The following BCL2L1 variants were observed in gnomAD, a reference collection of about 807,000 sequenced individuals.
The protein encoded by BCL2L1 is bcl-2-like protein 1.
BCL2L1 carries 1 observed loss-of-function variant against 18.7 expected under a neutral mutation model. That is an observed-to-expected ratio of 0.05 (90% CI 0.02 to 0.25). The LOEUF is 0.25. Among genes scored for constraint, BCL2L1 ranks in the 10% least tolerant of loss-of-function variants. The probability of loss-of-function intolerance (pLI) is 1.00; values close to 1 mark genes in which losing one functional copy is unlikely to be tolerated. For missense variants in BCL2L1, 207 were observed against 304.9 expected (o/e 0.68, Z 2.39); for synonymous variants, 103 against 122.7 (o/e 0.84, Z 1.06).
chr20:31,681,889 G>A (rs1400356793), intron 2 of BCL2L1, among the ~76,000 whole-genome samples: 1 of 151,996 alleles, frequency 6.6e-6, no homozygotes, highest in African/African-American at 2.4e-5. Context: ...AAGTGTGGAT[G>A]GCAATAAGAT....
chr20:31,676,758 G>A (rs1428996088), intron 2 of BCL2L1, among the ~76,000 whole-genome samples: 1 of 152,074 alleles, frequency 6.6e-6, no homozygotes, highest in East Asian at 1.9e-4. Context: ...TCCCACAGTG[G>A]GTCTGTTTCA....
At chr20:31,704,677 C>A (rs756476194) in intron 2 of BCL2L1, among the ~76,000 whole-genome samples, 83 of 152,268 alleles carry the variant, frequency 5.5e-4, no homozygotes, top group Middle Eastern at 3.4e-3. Context: ...CATCCTCAAA[C>A]CACCTGTATT....
At chr20:31,702,086 C>G (rs535512140) in intron 2 of BCL2L1, among the ~76,000 whole-genome samples, 68 of 152,284 alleles carry the variant, frequency 4.5e-4, no homozygotes, top group African/African-American at 1.5e-3. Flanking sequence ...CTACTTTAAA[C>G]TGAAGGTCAA....
At chr20:31,721,139 G>A (rs751023339) in intron 2 of BCL2L1, among the ~76,000 whole-genome samples, 20 of 152,364 alleles carry the variant, frequency 1.3e-4, no homozygotes, top group South Asian at 6.2e-4. Context: ...AGTCTGAGAG[G>A]AGAGTGCCAT....
At chr20:31,708,658 C>T (rs912859749) in intron 2 of BCL2L1, among the ~76,000 whole-genome samples, 1 of 152,172 alleles carries the variant, frequency 6.6e-6, no homozygotes, top group Non-Finnish European at 1.5e-5. Flanking sequence ...CAATGCCCCG[C>T]CCTGCCTTCC....
At chr20:31,671,601 G>C (rs1043174966) in intron 2 of BCL2L1, among the ~76,000 whole-genome samples, 4 of 152,066 alleles carry the variant, frequency 2.6e-5, no homozygotes. Flanking sequence ...GTTTATACCA[G>C]GGGTATGCAC....
chr20:31,694,705 A>G (rs1482659122), intron 2 of BCL2L1, among the ~76,000 whole-genome samples: 1 of 152,184 alleles, frequency 6.6e-6, no homozygotes, highest in Non-Finnish European at 1.5e-5. Context: ...TAGTTTTCAC[A>G]GCACCCAACT....
At chr20:31,691,838 A>T (rs1052769170) in intron 2 of BCL2L1, among the ~76,000 whole-genome samples, 1 of 152,246 alleles carries the variant, frequency 6.6e-6, no homozygotes, top group Admixed American at 6.5e-5. Flanking sequence ...AATGCAAATT[A>T]AAACCGCAAG....
At chr20:31,694,233 G>A (rs1046105937) in intron 2 of BCL2L1, among the ~76,000 whole-genome samples, 3 of 152,116 alleles carry the variant, frequency 2.0e-5, no homozygotes, top group African/African-American at 7.2e-5. Context: ...CAGTCAGATG[G>A]GTGGTGGGCT....
chr20:31,701,686 A>G (rs935809972), intron 2 of BCL2L1, among the ~76,000 whole-genome samples: 7 of 152,250 alleles, frequency 4.6e-5, no homozygotes, highest in Admixed American at 2.0e-4. Flanking sequence ...CATTATAACA[A>G]TTAAGAATAA....
intron 2 of BCL2L1, among the ~76,000 whole-genome samples, chr20:31,702,205 C>T (rs1024783905): frequency 6.6e-6 from 1 of 152,180 alleles, no homozygotes; most frequent in African/African-American, 2.4e-5. Flanking sequence ...ACTACAAAGG[C>T]CCTTGGGCAG....
chr20:31,673,077 T>C (rs1369378636), intron 2 of BCL2L1, among the ~76,000 whole-genome samples: 1 of 149,356 alleles, frequency 6.7e-6, no homozygotes, highest in Non-Finnish European at 1.5e-5. Context: ...GCTTTTTTTT[T>C]TTTTTTTTTT....
chr20:31,723,639 C>T (rs536657789), upstream of BCL2L1: 1 of 985,578 alleles, frequency 1.0e-6, no homozygotes, highest in African/African-American at 1.7e-5. Flanking sequence ...CGCCCCAGCG[C>T]AGCCAATCAG....
Position 31,665,828 on chromosome 20 carries a change from G to A in BCL2L1, c.*121C>T, listed in dbSNP as rs992719994. Reference sequence around the variant, plus strand: ...AGGGACCAGATCTGGGCCCAACCCTGTGATGGGCAGGTGGGCATGGGCTGC... The same window carrying A: ...AGGGACCAGATCTGGGCCCAACCCTATGATGGGCAGGTGGGCATGGGCTGC... On this transcript the variant is annotated 3_prime_UTR_variant, in exon 3 of 3. Coordinates refer to ENST00000307677, the MANE Select transcript of BCL2L1 (RefSeq NM_138578.3). 2.9e-6 allele frequency: 4 copies of A among 1,358,234 alleles called. No individual in the cohort carries two copies. The African/African-American group carries it at 4.3e-5, about 15-fold the overall frequency. 84.1% of individuals were successfully genotyped at this position (1,358,234 alleles called of 1,614,324 possible).
intron 2 of BCL2L1, among the ~76,000 whole-genome samples, chr20:31,682,593 G>C (rs2060882607): frequency 6.6e-6 from 1 of 152,052 alleles, no homozygotes; most frequent in Non-Finnish European, 1.5e-5. Context: ...CTACAGGTGT[G>C]CATCACCATG....
intron 2 of BCL2L1, among the ~76,000 whole-genome samples, chr20:31,706,761 T>A (rs1479163534): frequency 6.6e-6 from 1 of 152,248 alleles, no homozygotes; most frequent in East Asian, 1.9e-4. Flanking sequence ...GGCTGTGACT[T>A]TAGTCAAGGA....
intron 2 of BCL2L1, chr20:31,721,069 A>C: frequency 1.4e-6 from 1 of 734,280 alleles, no homozygotes; most frequent in South Asian, 6.2e-5. Context: ...ACACTGCCCC[A>C]AAATCTGACA....
rs1284972258 is a variant in BCL2L1 at position 31,665,746 on chromosome 20, G to A, written c.*203C>T. On this transcript the variant is annotated 3_prime_UTR_variant, in exon 3 of 3. Transcript: ENST00000307677. ...AAATTTTGTGAATTCTGAGGCCAAG[G>A]GAACTGAGGTGTGGGGGTCTCACAG... 11 of 673,480 alleles carry A rather than the reference G, an allele frequency of 1.6e-5. No homozygotes were observed. The East Asian group carries it at 2.8e-4, about 17-fold the overall frequency. The allele number at this position is 673,480 out of a possible 1,614,324, so 41.7% of individuals were successfully genotyped here.
intron 2 of BCL2L1, among the ~76,000 whole-genome samples, chr20:31,711,500 T>C (rs1306205418): frequency 6.6e-6 from 1 of 152,214 alleles, no homozygotes; most frequent in Admixed American, 6.5e-5. Context: ...GTGTGGAGTA[T>C]GGAAACAGAC....
Sources: gnomAD v4.1 joint callset for allele counts (sites outside exome capture counted in the v4.1 genomes callset) on GRCh38, gnomAD v4.1.1 for gene constraint, MANE v1.5 for transcripts, NCBI Gene and HGNC (gene_info 2026-07-23, HGNC 2026-07-21) for gene names.